The following SPAG5 variants were observed in gnomAD, a reference collection of about 807,000 sequenced individuals.
The protein encoded by SPAG5 is sperm associated antigen 5.
A neutral mutation model predicts 145.4 loss-of-function variants in SPAG5; 99 were observed. The observed-to-expected ratio is 0.68, with a 90% CI of 0.58 to 0.80. The LOEUF (loss-of-function observed/expected upper bound fraction) is 0.80. Among genes scored for constraint, SPAG5 ranks in the 30% least tolerant of loss-of-function variants. SPAG5 has a pLI of 0.00. For missense variants in SPAG5, 1,192 were observed against 1,416.0 expected, an observed-to-expected ratio of 0.84 and a Z score of 2.54; for synonymous variants, 477 against 525.4, an observed-to-expected ratio of 0.91 and a Z score of 1.26.
Position 28,579,482 on chromosome 17 carries a change from G to A in SPAG5, c.2888C>T (p.Thr963Ile). 6.2e-7 allele frequency: 1 copy of A among 1,613,658 alleles called. No individual in the cohort carries two copies. Among genetic ancestry groups the A allele is most frequent in the Non-Finnish European group, 8.5e-7 (1 of 1,179,778 alleles). ...ASMVSLQPAE[T>I]PGMEESLAEM... is the part of the protein sequence containing the mutation. ...TGCCAGGCTCTCCTCCATGCCTGGG[G>A]TCTCTGAAAGAGAAAGTCCCAGATA... The change falls in exon 18 of 24, where the codon ACC becomes ATC. Residue 963 changes from threonine to isoleucine, a missense_variant. Coordinates refer to ENST00000321765, the MANE Select transcript of SPAG5 (RefSeq NM_006461.4).
chr17:28,585,593 G>A lies in SPAG5; in HGVS notation c.1801C>T (p.Gln601Ter). Residue 601 changes from glutamine to a stop codon, truncating the protein, a stop_gained, in exon 8 of 24, where the codon CAG becomes TAG. Transcript: ENST00000321765. LOFTEE classifies it high-confidence loss of function. ...HASQRISQLE[Q>*]DLASMREFRG... ...AATTCCCGCATGGATGCTAGGTCCT[G>A]TTCCAGCTGGCTGATGCGCTGGCTG... 1 of 1,614,150 alleles carries A rather than the reference G, an allele frequency of 6.2e-7. No individual in the cohort carries two copies. Among genetic ancestry groups the A allele is most frequent in the Non-Finnish European group, 8.5e-7 (1 of 1,180,042 alleles).
At chr17:28,583,715 C>A in intron 14 of SPAG5, 66 bp from the exon 15 acceptor site, 3 of 1,547,600 alleles carry the variant, frequency 1.9e-6, no homozygotes, top group South Asian at 2.5e-5. Context: ...TATCCCAAAT[C>A]CCCACAGAGC....
At position 28,578,051 on chromosome 17, in the gene SPAG5, CCTT is replaced by C; in HGVS notation, c.3466_3468del (p.Lys1156del). 6.2e-7 allele frequency: 1 copy of C among 1,614,154 alleles called. No individual in the cohort carries two copies. The highest frequency in any genetic ancestry group is 8.5e-7 in the Non-Finnish European group (1 of 1,179,988). On this transcript the variant is annotated inframe_deletion, in exon 23 of 24. Coordinates refer to ENST00000321765, the MANE Select transcript of SPAG5 (RefSeq NM_006461.4). ...ACAATGTCATCTAGTTTTTCTAACT[CCTT>C]GTCAGAGCGCCGAAGGTTCTCCTCT...
chr17:28,595,748 C>T (rs1349468972), intron 2 of SPAG5, among the ~76,000 whole-genome samples: 2 of 118,316 alleles, frequency 1.7e-5, no homozygotes, highest in Non-Finnish European at 3.5e-5. Flanking sequence ...GATCCTGTCT[C>T]AAAAAAAAAA....
rs913152015 is a variant in SPAG5 at position 28,598,739 on chromosome 17, C to T, written c.52-104G>A. The T allele has an allele frequency of 3.3e-6, 5 of 1,517,460 alleles. No homozygotes were observed. The African/African-American group carries it at 5.5e-5, about 17-fold the overall frequency. 94.0% of individuals were successfully genotyped at this position (1,517,460 alleles called of 1,614,324 possible). ...AGCCCAAAATGCGATTAGAAGAGTA[C>T]GCTCGCACCCTAGTCGCGCAGGAGC... On this transcript the variant is annotated intron_variant, in intron 1 of 23. Coordinates refer to ENST00000321765, the MANE Select transcript of SPAG5 (RefSeq NM_006461.4).
rs2070579914 is a variant in SPAG5, at chr17:28,585,668, G to A, written c.1741-15C>T. 1 of 1,613,004 alleles carries A rather than the reference G, an allele frequency of 6.2e-7. No homozygotes were observed. Among genetic ancestry groups the A allele is most frequent in the African/African-American group, 1.3e-5 (1 of 74,906 alleles). ...ACTATCTCTGCCTATTGAGGGAAGT[G>A]GTTGCAAGGCCACAGTGGGCAACAG... On this transcript the variant is annotated splice_polypyrimidine_tract_variant and intron_variant, in intron 7 of 23. Transcript: ENST00000321765.
Position 28,584,319 on chromosome 17 carries a change from C to T in SPAG5, c.2309+14G>A, listed in dbSNP as rs746344494. The T allele has an allele frequency of 7.4e-6, 12 of 1,613,960 alleles. No individual in the cohort carries two copies. The highest frequency in any genetic ancestry group is 1.3e-5 in the African/African-American group (1 of 74,922). On this transcript the variant is annotated intron_variant, in intron 12 of 23. Transcript: ENST00000321765. ...CTGGATGCCTACTGCCACAGTACCC[C>T]GTTAGGAACTCACTGAGCAGCCTGC...
chr17:28,581,624 A>G (rs2070549395), intron 15 of SPAG5, among the ~76,000 whole-genome samples: 2 of 151,004 alleles, frequency 1.3e-5, no homozygotes, highest in Admixed American at 1.3e-4. Flanking sequence ...TTTCCTTCTC[A>G]GCCTGCTCCC....
chr17:28,579,032 G>A (rs1597593273), intron 19 of SPAG5, 109 bp downstream of exon 19: 2 of 936,798 alleles, frequency 2.1e-6, no homozygotes, highest in East Asian at 4.9e-5. Context: ...AACTAGGGCA[G>A]TGGTTGGAAA....
chr17:28,587,518 C>G (rs1246536566), intron 4 of SPAG5, among the ~76,000 whole-genome samples: 2 of 151,644 alleles, frequency 1.3e-5, no homozygotes, highest in Non-Finnish European at 2.9e-5. Context: ...GCACCCCAGC[C>G]TGGGCAACAA....
chr17:28,578,810 GC>G (rs2151518971), intron 19 of SPAG5, 58 bp from the exon 20 acceptor site: 1 of 1,399,180 alleles, frequency 7.1e-7, no homozygotes, highest in Non-Finnish European at 1.0e-6. Flanking sequence ...CACAGCCCTT[GC>G]CAGGAGGTAG....
chr17:28,578,321 A>C, intron 21 of SPAG5, 29 bp from the exon 22 acceptor site: 1 of 1,614,112 alleles, frequency 6.2e-7, no homozygotes, highest in Non-Finnish European at 8.5e-7. Flanking sequence ...CAACAGGGGT[A>C]CAGCCTGGGG....
At position 28,584,373 on chromosome 17, in the gene SPAG5, G is replaced by C; in HGVS notation, c.2269C>G (p.Leu757Val). ...TCATTGCTCTGGGTAAGCTGGCAGAGTAACTCATCCTTCATAGCCAGGTCC... is the reference window on the plus strand; with the variant it reads ...TCATTGCTCTGGGTAAGCTGGCAGACTAACTCATCCTTCATAGCCAGGTCC... The part of the protein sequence containing the change: ...AQDLAMKDEL[L>V]CQLTQSNEEQ... Residue 757 changes from leucine (L) to valine (V), a missense_variant, in exon 12 of 24, where the codon CTC becomes GTC. This residue lies in a region of SPAG5 where 709 missense variants were observed against 840.7 expected (regional missense o/e 0.84). Transcript: ENST00000321765. The C allele has an allele frequency of 6.2e-7, 1 of 1,614,196 alleles. No homozygotes were observed. Among genetic ancestry groups the C allele is most frequent in the Non-Finnish European group, 8.5e-7 (1 of 1,180,042 alleles).
At chr17:28,585,265 A>C (rs764599246) in intron 9 of SPAG5, 50 bp from the exon 10 acceptor site, 4 of 1,611,500 alleles carry the variant, frequency 2.5e-6, no homozygotes, top group Admixed American at 1.7e-5. Context: ...GGCAAAGCTC[A>C]CAACAGGACT....
chr17:28,584,548 A>G, intron 11 of SPAG5, 68 bp from the exon 12 acceptor site: 2 of 1,610,456 alleles, frequency 1.2e-6, no homozygotes, highest in South Asian at 1.1e-5. Flanking sequence ...CTTCTGCTCC[A>G]AAGCAAGTGC....
At chr17:28,588,797 T>A (rs1315924087) in intron 4 of SPAG5, among the ~76,000 whole-genome samples, 2 of 152,118 alleles carry the variant, frequency 1.3e-5, no homozygotes, top group Non-Finnish European at 2.9e-5. Flanking sequence ...TTCTCATGCC[T>A]CAGCCACCCA....
Position 28,579,145 on chromosome 17 carries a change from T to C in SPAG5, c.3113A>G (p.Tyr1038Cys), listed in dbSNP as rs2070530900. Residue 1038 changes from tyrosine to cysteine, a missense_variant, in exon 19 of 24, where the codon TAC (tyrosine) becomes TGC (cysteine). Transcript: ENST00000321765. ...EKLNQALCLR[Y>C]KNEKELQEVI... ...ACTTCTAGGTCCCTCCTTCACCTTG[T>C]AGCGCAAGCACAAGGCCTGGTTCAG... 2.5e-6 allele frequency: 4 copies of C among 1,612,938 alleles called. No homozygotes were observed. Among genetic ancestry groups the C allele is most frequent in the Non-Finnish European group, 2.5e-6 (3 of 1,179,720 alleles).
At chr17:28,593,788 A>G (rs2070641031) in intron 2 of SPAG5, among the ~76,000 whole-genome samples, 1 of 152,162 alleles carries the variant, frequency 6.6e-6, no homozygotes, top group Non-Finnish European at 1.5e-5. Flanking sequence ...TGGAAGACAC[A>G]GATGATAATC....
Position 28,584,243 on chromosome 17 carries a change from C to T in SPAG5, c.2319G>A (p.Lys773=). The T allele has an allele frequency of 6.2e-7, 1 of 1,613,924 alleles. No individual in the cohort carries two copies. The highest frequency in any genetic ancestry group is 8.5e-7 in the Non-Finnish European group (1 of 1,180,030). ...SNEEQAAQWQ[K]EEMALKHMQA... ...GCATGTGTTTTAGTGCCATCTCTTC[C>T]TTTTGCCATCTGCCAGAGACAACAT... Residue 773 remains lysine (K), a synonymous_variant, in exon 13 of 24, where the codon AAG becomes AAA. Coordinates refer to ENST00000321765, the MANE Select transcript of SPAG5 (RefSeq NM_006461.4).
Sources: gnomAD v4.1 joint callset for allele counts (sites outside exome capture counted in the v4.1 genomes callset) on GRCh38, gnomAD v4.1.1 for gene constraint, gnomAD v4.1.1 regional missense constraint, MANE v1.5 for transcripts, NCBI Gene and HGNC (gene_info 2026-07-23, HGNC 2026-07-21) for gene names.